The following CNTN4 variants were observed in gnomAD, a reference collection of about 807,000 sequenced individuals.
CNTN4 encodes the protein contactin-4.
Under a neutral mutation model 122.5 loss-of-function variants are expected in CNTN4, and 77 were observed. The observed-to-expected ratio is 0.63, with a 90% CI of 0.52 to 0.76. CNTN4 has a LOEUF of 0.76. Among genes scored for constraint, CNTN4 ranks in the 30% least tolerant of loss-of-function variants. The pLI is 0.00. For synonymous variants in CNTN4, 512 were observed against 447.0 expected (o/e 1.15, Z -1.83); for missense variants, 1,256 against 1,259.1 (o/e 1.00, Z 0.04).
intron 3 of CNTN4, among the ~76,000 whole-genome samples, chr3:2,360,890 A>G (rs1015792724): frequency 2.6e-5 from 4 of 152,178 alleles, no homozygotes; most frequent in African/African-American, 9.7e-5. Flanking sequence ...TATCACTGGG[A>G]TTTAAAAAAT....
At chr3:2,163,823 G>C (rs754765612) in intron 2 of CNTN4, among the ~76,000 whole-genome samples, 4 of 152,114 alleles carry the variant, frequency 2.6e-5, no homozygotes, top group Non-Finnish European at 5.9e-5. Context: ...CAAAATGACT[G>C]TTATTAAAAA....
At chr3:2,650,936 A>G (rs1276621566) in intron 4 of CNTN4, among the ~76,000 whole-genome samples, 7 of 152,182 alleles carry the variant, frequency 4.6e-5, no homozygotes, top group Non-Finnish European at 8.8e-5. Flanking sequence ...TATAGATAAG[A>G]CTATGAATGT....
chr3:2,691,318 C>T (rs148110705), intron 4 of CNTN4, among the ~76,000 whole-genome samples: 6 of 152,200 alleles, frequency 3.9e-5, no homozygotes, highest in African/African-American at 1.4e-4. Flanking sequence ...AGCATTTCTA[C>T]AGTGGTGTAA....
intron 4 of CNTN4, among the ~76,000 whole-genome samples, chr3:2,705,806 TAATATATATAATATATAATA>T (rs1449608022): frequency 4.7e-5 from 5 of 106,830 alleles, no homozygotes; most frequent in Middle Eastern, 0.01. Context: ...TTGTTATATA[TAATATATATAATATATAATA>T]AATATATATA....
chr3:3,038,744 C>G (rs557099891), intron 18 of CNTN4, among the ~76,000 whole-genome samples, 189 bp from the exon 19 acceptor site: 1 of 152,176 alleles, frequency 6.6e-6, no homozygotes, highest in South Asian at 2.1e-4. Context: ...TAATAGCAGT[C>G]TCCTTGGTAC....
At chr3:2,133,823 T>C (rs1488752966) in intron 2 of CNTN4, among the ~76,000 whole-genome samples, 1 of 152,214 alleles carries the variant, frequency 6.6e-6, no homozygotes, top group Non-Finnish European at 1.5e-5. Context: ...TTCTAATTTA[T>C]CACTGGCTAG....
intron 2 of CNTN4, among the ~76,000 whole-genome samples, chr3:2,130,952 T>A (rs1308240997): frequency 6.6e-6 from 1 of 152,218 alleles, no homozygotes; most frequent in African/African-American, 2.4e-5. Flanking sequence ...CTTTTTCAGC[T>A]GAGGTCAGGT....
In CNTN4 at chr3:2,709,542, TA is replaced by T. The variant is rs2086983289; in HGVS notation, c.56-26672del. 6.6e-6 allele frequency among the ~76,000 whole-genome samples: 1 copy of T among 152,202 alleles called. No individual in the cohort carries two copies. The highest frequency in any genetic ancestry group is 6.5e-5 in the Admixed American group (1 of 15,290). ...AGGCTAAAGATTTATGCCAGACTTC[TA>T]GACCAGTCTCCTTTCCAATTCCATA... On this transcript the variant is annotated intron_variant, in intron 4 of 24. Transcript: ENST00000418658. The surrounding 1 kb of genome is among the most constrained non-coding windows in gnomAD (Gnocchi z 5.0).
chr3:2,938,965 C>T (rs2094589085), intron 13 of CNTN4, among the ~76,000 whole-genome samples: 1 of 152,138 alleles, frequency 6.6e-6, no homozygotes, highest in Non-Finnish European at 1.5e-5. Flanking sequence ...ACAGGCAGTG[C>T]TTTGTGCCTT....
intron 3 of CNTN4, among the ~76,000 whole-genome samples, chr3:2,540,802 G>A (rs1166177040): frequency 6.6e-6 from 1 of 152,022 alleles, no homozygotes; most frequent in Non-Finnish European, 1.5e-5. Context: ...TAAATCCTGT[G>A]CTTACTTAAC....
chr3:2,431,579 G>A (rs941597197), intron 3 of CNTN4, among the ~76,000 whole-genome samples: 3 of 152,060 alleles, frequency 2.0e-5, no homozygotes, highest in Admixed American at 2.0e-4. Flanking sequence ...ATAGATAAGA[G>A]GAACCATAAT....
At chr3:2,899,372 A>G (rs578257088) in intron 10 of CNTN4, among the ~76,000 whole-genome samples, 2 of 152,336 alleles carry the variant, frequency 1.3e-5, no homozygotes, top group South Asian at 4.1e-4. Flanking sequence ...GCATCTCCTA[A>G]TTAAATACTG....
At chr3:2,616,368 C>G (rs1488779975) in intron 4 of CNTN4, among the ~76,000 whole-genome samples, 2 of 152,090 alleles carry the variant, frequency 1.3e-5, no homozygotes, top group Non-Finnish European at 2.9e-5. Context: ...TTTCTTTTTC[C>G]AGTCTATCAT....
chr3:2,815,139 T>C (rs151233839), intron 6 of CNTN4, among the ~76,000 whole-genome samples: 32 of 152,282 alleles, frequency 2.1e-4, no homozygotes, highest in African/African-American at 6.5e-4. Flanking sequence ...AACATTCTAG[T>C]AGATGACATT....
At chr3:2,396,977 C>T (rs1011756510) in intron 3 of CNTN4, among the ~76,000 whole-genome samples, 5 of 152,042 alleles carry the variant, frequency 3.3e-5, no homozygotes, top group African/African-American at 9.7e-5. Context: ...TTGTGTGTGA[C>T]GAGATTTGAA....
intron 4 of CNTN4, among the ~76,000 whole-genome samples, chr3:2,574,679 A>G (rs1362172989): frequency 6.6e-6 from 1 of 152,100 alleles, no homozygotes; most frequent in Non-Finnish European, 1.5e-5. Flanking sequence ...CCTGCTACCT[A>G]AAAAAGCAAG....
chr3:2,228,623 CAT>C (rs1491315088), intron 2 of CNTN4, among the ~76,000 whole-genome samples: 1 of 152,000 alleles, frequency 6.6e-6, no homozygotes. Flanking sequence ...GTATTATAGA[CAT>C]ATTATTATCT....
At chr3:2,389,011 A>G (rs999744987) in intron 3 of CNTN4, among the ~76,000 whole-genome samples, 1 of 151,444 alleles carries the variant, frequency 6.6e-6, no homozygotes, top group Non-Finnish European at 1.5e-5. Context: ...TACAAAAAAA[A>G]TTAGCCAGGC....
intron 3 of CNTN4, among the ~76,000 whole-genome samples, chr3:2,461,852 C>T (rs1332552936): frequency 6.6e-6 from 1 of 152,138 alleles, no homozygotes; most frequent in Non-Finnish European, 1.5e-5. Flanking sequence ...GACCAAGTTG[C>T]TTAGGGTCAC....
Sources: allele counts gnomAD v4.1 joint callset (sites outside exome capture counted in the v4.1 genomes callset), GRCh38; gene constraint gnomAD v4.1.1; non-coding constraint Gnocchi (gnomAD v3.1); transcripts MANE v1.5; gene names NCBI Gene and HGNC (gene_info 2026-07-23, HGNC 2026-07-21).